The following DLG2 variants were observed in gnomAD, a reference collection of about 807,000 sequenced individuals.
DLG2 encodes the protein discs large MAGUK scaffold protein 2, also known as disks large homolog 2.
DLG2 carries 45 observed loss-of-function variants against 132.5 expected under a neutral mutation model. The observed-to-expected ratio is 0.34, with a 90% CI of 0.27 to 0.44. The LOEUF is 0.44. DLG2 is among the 20% of genes least tolerant of loss of function. DLG2 has a pLI of 1.00. For missense variants in DLG2, 1,045 were observed against 1,196.9 expected (o/e 0.87, Z 1.87); for synonymous variants, 424 against 419.6 (o/e 1.01, Z -0.13).
At chr11:85,217,669 C>T (rs2082712762) in intron 4 of DLG2, among the ~76,000 whole-genome samples, 1 of 152,202 alleles carries the variant, frequency 6.6e-6, no homozygotes, top group Non-Finnish European at 1.5e-5. Flanking sequence ...CACTCAATCA[C>T]AAGTACAGCT....
At chr11:84,859,508 C>T (rs1276896770) in intron 6 of DLG2, among the ~76,000 whole-genome samples, 1 of 146,518 alleles carries the variant, frequency 6.8e-6, no homozygotes, top group African/African-American at 2.5e-5. Flanking sequence ...TATATCTAAA[C>T]TTATATTGAA....
intron 3 of DLG2, among the ~76,000 whole-genome samples, chr11:85,529,385 C>A (rs553724992): frequency 1.3e-5 from 2 of 152,286 alleles, no homozygotes; most frequent in African/African-American, 4.8e-5. Context: ...GACTAGTGTA[C>A]AAATTCATCT....
chr11:85,500,962 A>G (rs2093787224), intron 3 of DLG2, among the ~76,000 whole-genome samples: 1 of 152,200 alleles, frequency 6.6e-6, no homozygotes, highest in Non-Finnish European at 1.5e-5. Flanking sequence ...CATAGCCAAG[A>G]CAATCCTTGG....
At chr11:85,124,137 T>C (rs967940381) in intron 5 of DLG2, among the ~76,000 whole-genome samples, 8 of 152,260 alleles carry the variant, frequency 5.3e-5, no homozygotes, top group Non-Finnish European at 1.2e-4. Flanking sequence ...TGTGTATACA[T>C]AGTTGCTACA....
In DLG2 at chr11:83,614,862, C is replaced by T. The variant is rs201137854; in HGVS notation, c.1940+18349G>A. On this transcript the variant is annotated intron_variant, in intron 19 of 27. Coordinates refer to ENST00000376104, the MANE Select transcript of DLG2 (RefSeq NM_001142699.3). The stretch of plus-strand genomic sequence containing the variant: ...CAGCAAAAGATTAAGTTCTAGAATC[C>T]TATCTAATTAGTCCAATATTTTAAG... Among the ~76,000 whole-genome samples the T allele has an allele frequency of 4.9e-4, 75 of 152,326 alleles. No individual in the cohort carries two copies. The East Asian group carries it at 0.013, about 26-fold the overall frequency.
chr11:85,182,509 T>C (rs1282481166), intron 4 of DLG2, among the ~76,000 whole-genome samples: 1 of 151,872 alleles, frequency 6.6e-6, no homozygotes, highest in East Asian at 1.9e-4. Context: ...CAAACTGCTT[T>C]TTAAAAAGCA....
At chr11:83,569,919 A>C (rs1262678647) in intron 19 of DLG2, among the ~76,000 whole-genome samples, 1 of 152,206 alleles carries the variant, frequency 6.6e-6, no homozygotes, top group Non-Finnish European at 1.5e-5. Context: ...GGACAGCTCC[A>C]TGGGACTAGC....
intron 6 of DLG2, among the ~76,000 whole-genome samples, chr11:84,879,301 A>G (rs955921320): frequency 1.2e-4 from 18 of 152,180 alleles, no homozygotes; most frequent in Non-Finnish European, 2.4e-4. Context: ...ATCACCAAAT[A>G]TTTATTGAGT....
At chr11:85,611,871 G>C (rs1420067891) in intron 2 of DLG2, among the ~76,000 whole-genome samples, 1 of 152,180 alleles carries the variant, frequency 6.6e-6, no homozygotes, top group African/African-American at 2.4e-5. Flanking sequence ...AGGGGAAGGA[G>C]AGGGGAGAAC....
chr11:83,939,754 T>C (rs1014383087), intron 14 of DLG2, among the ~76,000 whole-genome samples: 1 of 152,198 alleles, frequency 6.6e-6, no homozygotes, highest in East Asian at 1.9e-4. Context: ...TTTTCTAAAG[T>C]AGAATTCAAA....
In DLG2 at chr11:85,046,036, C is replaced by A. The variant is rs553331589; in HGVS notation, c.357+65625G>T. On this transcript the variant is annotated intron_variant, in intron 6 of 27. Transcript: ENST00000376104. ...TGAGTCTCAGGTTTAGTAGGAAGCA[C>A]CAAACTGCAACCTCAAAACTCTGAC... is the stretch of plus-strand genomic sequence containing the variant. 3.9e-5 allele frequency among the ~76,000 whole-genome samples: 6 copies of A among 152,112 alleles called. No individual in the cohort carries two copies. In the East Asian group the frequency reaches 9.7e-4, roughly 25 times the overall value.
At chr11:84,074,105 A>C (rs2096792293) in intron 10 of DLG2, among the ~76,000 whole-genome samples, 1 of 152,218 alleles carries the variant, frequency 6.6e-6, no homozygotes, top group Non-Finnish European at 1.5e-5. Context: ...TTCAACAACA[A>C]ATGAGATACT....
intron 11 of DLG2, among the ~76,000 whole-genome samples, chr11:84,014,441 C>T (rs976130357): frequency 6.6e-6 from 1 of 152,016 alleles, no homozygotes; most frequent in Non-Finnish European, 1.5e-5. Context: ...TAAAAATAGG[C>T]AATTTAATAT....
chr11:84,421,056 G>A (rs2098949122), intron 7 of DLG2, among the ~76,000 whole-genome samples: 1 of 152,064 alleles, frequency 6.6e-6, no homozygotes. Flanking sequence ...TCCTTAGGGT[G>A]GAGCCTCATG....
At chr11:84,087,625 T>C (rs1426419598) in intron 10 of DLG2, among the ~76,000 whole-genome samples, 1 of 152,150 alleles carries the variant, frequency 6.6e-6, no homozygotes, top group Non-Finnish European at 1.5e-5. Flanking sequence ...TGGATTATCC[T>C]GGGGTGTCCA....
intron 8 of DLG2, among the ~76,000 whole-genome samples, chr11:84,168,276 A>G (rs74664180): frequency 0.019 from 2,874 of 152,362 alleles, 64 homozygotes; most frequent in African/African-American, 0.063. Flanking sequence ...TGCCACATGC[A>G]AGGTATGTGC....
chr11:85,000,666 G>A (rs1053912503), intron 6 of DLG2, among the ~76,000 whole-genome samples: 1 of 152,102 alleles, frequency 6.6e-6, no homozygotes, highest in African/African-American at 2.4e-5. Context: ...AGAATTGTCT[G>A]CTTCAGAATT....
intron 4 of DLG2, among the ~76,000 whole-genome samples, chr11:85,246,205 A>G (rs2076127847): frequency 6.6e-6 from 1 of 152,014 alleles, no homozygotes; most frequent in East Asian, 1.9e-4. Context: ...ATCAAGAAAT[A>G]TTGAAGAACT....
chr11:84,195,083 G>A (rs1218837128), intron 8 of DLG2, among the ~76,000 whole-genome samples: 1 of 152,238 alleles, frequency 6.6e-6, no homozygotes, highest in African/African-American at 2.4e-5. Flanking sequence ...CAGAATGGAT[G>A]CTGTGGCCTG....
Sources: allele counts gnomAD v4.1 joint callset (sites outside exome capture counted in the v4.1 genomes callset), GRCh38; gene constraint gnomAD v4.1.1; transcripts MANE v1.5; gene names NCBI Gene and HGNC (gene_info 2026-07-23, HGNC 2026-07-21).